Variants in CAMKMT observed in about 807,000 individuals in gnomAD.
The protein encoded by CAMKMT is calmodulin-lysine N-methyltransferase.
A neutral mutation model predicts 48.0 loss-of-function variants in CAMKMT; 53 were observed. The ratio of observed to expected loss-of-function variants is 1.10; its 90% CI spans 0.89 to 1.39. The LOEUF (loss-of-function observed/expected upper bound fraction) is 1.39. Ranked by LOEUF, CAMKMT falls within the 40% of genes most tolerant of loss-of-function variation. The pLI is 0.00. For missense variants in CAMKMT, 428 were observed against 402.7 expected (o/e 1.06, Z -0.54); for synonymous variants, 165 against 152.3 (o/e 1.08, Z -0.61).
intron 7 of CAMKMT, among the ~76,000 whole-genome samples, chr2:44,722,295 C>T (rs925094658): frequency 2.0e-5 from 3 of 149,462 alleles, no homozygotes; most frequent in Non-Finnish European, 4.4e-5. Context: ...TATTTAACCT[C>T]TTGAGGACCT....
At chr2:44,367,851 CA>C (rs925348422) in intron 1 of CAMKMT, among the ~76,000 whole-genome samples, 21 of 152,182 alleles carry the variant, frequency 1.4e-4, no homozygotes, top group Admixed American at 1.2e-3. Flanking sequence ...ATGATGTAAT[CA>C]GGGCATCTAG....
intron 3 of CAMKMT, among the ~76,000 whole-genome samples, chr2:44,540,476 G>A (rs982546596): frequency 6.6e-6 from 1 of 152,016 alleles, no homozygotes; most frequent in African/African-American, 2.4e-5. Context: ...ACGAGGCCAG[G>A]CCAGTGGCTC....
At chr2:44,620,042 T>C (rs1455418758) in intron 3 of CAMKMT, among the ~76,000 whole-genome samples, 2 of 152,194 alleles carry the variant, frequency 1.3e-5, no homozygotes, top group African/African-American at 4.8e-5. Flanking sequence ...GATAATCATA[T>C]AATTTTTTCC....
At chr2:44,509,026 G>GTGGA (rs1252266843) in intron 3 of CAMKMT, among the ~76,000 whole-genome samples, 1 of 151,670 alleles carries the variant, frequency 6.6e-6, no homozygotes, top group African/African-American at 2.4e-5. Flanking sequence ...AACCTGGGAG[G>GTGGA]TGGAGGTTGC....
intron 3 of CAMKMT, among the ~76,000 whole-genome samples, chr2:44,578,046 T>A (rs1418746078): frequency 6.6e-6 from 1 of 152,184 alleles, no homozygotes; most frequent in Non-Finnish European, 1.5e-5. Flanking sequence ...GTAAAACTAA[T>A]AAAATGTGTA....
chr2:44,697,681 A>T (rs1156658094), intron 3 of CAMKMT, among the ~76,000 whole-genome samples: 2 of 152,176 alleles, frequency 1.3e-5, no homozygotes, highest in Admixed American at 1.3e-4. Flanking sequence ...AAATTTTAAC[A>T]TTATAACTAT....
Position 44,618,952 on chromosome 2 carries a change from C to G in CAMKMT, c.377-85331C>G, listed in dbSNP as rs1469642785. 6.6e-6 allele frequency among the ~76,000 whole-genome samples: 1 copy of G among 152,068 alleles called. No homozygotes were observed. Among genetic ancestry groups the G allele is most frequent in the East Asian group, 1.9e-4 (1 of 5,194 alleles). On this transcript the variant is annotated intron_variant, in intron 3 of 10. Transcript: ENST00000378494. This position sits in a 1 kb window ranked among gnomAD's most constrained non-coding sequence, Gnocchi z 4.0. ...TCTGACATCATGCATTTCTCCCAGA[C>G]TACTGTAAATTCAGATCTACTCATA...
intron 3 of CAMKMT, among the ~76,000 whole-genome samples, chr2:44,637,599 T>A (rs1673203122): frequency 6.6e-6 from 1 of 151,998 alleles, no homozygotes; most frequent in Non-Finnish European, 1.5e-5. Context: ...TTTTTTTTTC[T>A]GGGCTACCCA....
intron 2 of CAMKMT, among the ~76,000 whole-genome samples, chr2:44,375,701 G>A (rs1295446737): frequency 6.6e-6 from 1 of 151,982 alleles, no homozygotes; most frequent in Non-Finnish European, 1.5e-5. Context: ...ATCATCAGAG[G>A]CTACTGAGAA....
At chr2:44,639,337 G>A (rs1386919455) in intron 3 of CAMKMT, among the ~76,000 whole-genome samples, 3 of 152,206 alleles carry the variant, frequency 2.0e-5, no homozygotes, top group Non-Finnish European at 4.4e-5. Context: ...CCATCTTTCA[G>A]ATTTCCTGGG....
chr2:44,576,521 T>C (rs1355832420), intron 3 of CAMKMT, among the ~76,000 whole-genome samples: 1 of 152,150 alleles, frequency 6.6e-6, no homozygotes, highest in Non-Finnish European at 1.5e-5. Context: ...GGACAAGTCT[T>C]CCTGGTGGAG....
chr2:44,732,819 A>T (rs1679153621), intron 7 of CAMKMT, among the ~76,000 whole-genome samples: 1 of 152,064 alleles, frequency 6.6e-6, no homozygotes, highest in Non-Finnish European at 1.5e-5. Context: ...TATATTCTGG[A>T]TATAAGCTTA....
chr2:44,526,657 C>T lies in CAMKMT; in HGVS notation c.376+136352C>T, dbSNP rs143319586. ...CAAATTCACCCATCCTTTGTCTTTTCCCTCTGTTTGGGCCCTCAACTGATT... is the reference window on the plus strand; with the variant it reads ...CAAATTCACCCATCCTTTGTCTTTTTCCTCTGTTTGGGCCCTCAACTGATT... On this transcript the variant is annotated intron_variant, in intron 3 of 10. Transcript: ENST00000378494. Among the ~76,000 whole-genome samples, 541 of 152,270 alleles carry T rather than the reference C, an allele frequency of 3.6e-3. 2 individuals carry two copies. The highest frequency in any genetic ancestry group is 0.01 in the Middle Eastern group (3 of 294).
intron 3 of CAMKMT, among the ~76,000 whole-genome samples, chr2:44,467,920 G>A (rs1320500378): frequency 6.6e-6 from 1 of 152,162 alleles, no homozygotes; most frequent in Non-Finnish European, 1.5e-5. Flanking sequence ...AAGTATGGGA[G>A]AAATGCTTCA....
chr2:44,482,757 A>T (rs968377532), intron 3 of CAMKMT, among the ~76,000 whole-genome samples: 6 of 152,044 alleles, frequency 3.9e-5, no homozygotes, highest in Non-Finnish European at 5.9e-5. Context: ...ATTAATGAAC[A>T]TGTTTCTTTT....
chr2:44,450,174 A>G (rs957963743), intron 3 of CAMKMT, among the ~76,000 whole-genome samples: 2 of 152,100 alleles, frequency 1.3e-5, no homozygotes, highest in Non-Finnish European at 2.9e-5. Context: ...CCCAGGAGCA[A>G]TGATTTTAAG....
At chr2:44,520,633 T>A (rs990776295) in intron 3 of CAMKMT, among the ~76,000 whole-genome samples, 1 of 152,218 alleles carries the variant, frequency 6.6e-6, no homozygotes, top group Non-Finnish European at 1.5e-5. Context: ...ATTCAAAGAC[T>A]GACTCTATTA....
At chr2:44,546,940 GC>G (rs1368314341) in intron 3 of CAMKMT, among the ~76,000 whole-genome samples, 2 of 152,078 alleles carry the variant, frequency 1.3e-5, no homozygotes, top group African/African-American at 2.4e-5. Flanking sequence ...CAGTAAAGTT[GC>G]CTTTTTAGTG....
rs1193674250 is a variant in CAMKMT, at chr2:44,362,134, CTCCTGCG to C, written c.128_134del (p.Leu43ArgfsTer4). 13 of 1,478,038 alleles carry C rather than the reference CTCCTGCG, an allele frequency of 8.8e-6. No individual in the cohort carries two copies. The highest frequency in any genetic ancestry group is 1.2e-5 in the Non-Finnish European group (13 of 1,125,820). 91.6% of individuals were successfully genotyped at this position (1,478,038 alleles called of 1,614,324 possible). ...GCCCCTGGGAGCCGCCCGGTGGAAGCTCCTGCGGCAGGTAAGGGAGAACCTGCTCGCC... is the reference window on the plus strand; with the variant it reads ...GCCCCTGGGAGCCGCCCGGTGGAAGCGCAGGTAAGGGAGAACCTGCTCGCC... On this transcript the variant is annotated frameshift_variant, in exon 1 of 11. Coordinates refer to ENST00000378494, the MANE Select transcript of CAMKMT (RefSeq NM_024766.5). LOFTEE classifies it high-confidence loss of function.
Sources: gnomAD v4.1 joint callset for allele counts (sites outside exome capture counted in the v4.1 genomes callset) on GRCh38, gnomAD v4.1.1 for gene constraint, Gnocchi (gnomAD v3.1) non-coding constraint, MANE v1.5 for transcripts, NCBI Gene and HGNC (gene_info 2026-07-23, HGNC 2026-07-21) for gene names.